ZNF236: variants seen among roughly 807,000 people sequenced by gnomAD.
The protein encoded by ZNF236 is regulated by glucose.
In ZNF236, 50 loss-of-function variants were observed where a neutral mutation model predicts 191.2. The ratio of observed to expected loss-of-function variants is 0.26; its 90% CI spans 0.21 to 0.33. The LOEUF (loss-of-function observed/expected upper bound fraction) is 0.33. Ranked by LOEUF, ZNF236 falls within the 10% of genes least tolerant of loss-of-function variation. The pLI, the probability that ZNF236 is intolerant of heterozygous loss-of-function variation, is 1.00. For synonymous variants in ZNF236, 907 were observed against 928.8 expected (o/e 0.98, Z 0.43); for missense variants, 1,754 against 2,374.5 (o/e 0.74, Z 5.43).
Position 76,956,083 on chromosome 18 carries a change from G to A in ZNF236, c.5013G>A (p.Ala1671=), listed in dbSNP as rs377435648. The change falls in exon 28 of 31, where the codon GCG becomes GCA. Residue 1671 remains alanine, a synonymous_variant. Coordinates refer to ENST00000320610, the MANE Select transcript of ZNF236 (RefSeq NM_001306089.2). ...CLECDRAFSS[A]AVLMHHSKEV... Reference sequence around the variant, plus strand: ...AGTGTGACCGCGCCTTCTCATCGGCGGCGGTGCTCATGCACCACAGCAAGG... The same window carrying A: ...AGTGTGACCGCGCCTTCTCATCGGCAGCGGTGCTCATGCACCACAGCAAGG... 7.5e-6 allele frequency: 12 copies of A among 1,596,206 alleles called. No homozygotes were observed. The highest frequency in any genetic ancestry group is 2.7e-5 in the African/African-American group (2 of 74,706).
At chr18:76,859,283 G>A (rs921582388) in intron 3 of ZNF236, among the ~76,000 whole-genome samples, 10 of 151,788 alleles carry the variant, frequency 6.6e-5, no homozygotes, top group Non-Finnish European at 1.5e-4. Context: ...AGGGGGAGAG[G>A]ACTCAGGTGG....
intron 10 of ZNF236, among the ~76,000 whole-genome samples, chr18:76,897,029 C>A (rs901401883): frequency 6.6e-6 from 1 of 151,304 alleles, no homozygotes; most frequent in Admixed American, 6.6e-5. Context: ...AGGTACCAAA[C>A]AGTACTGCCC....
In ZNF236 at chr18:76,878,108, C is replaced by G; in HGVS notation, c.940C>G (p.Pro314Ala). 6.2e-7 allele frequency: 1 copy of G among 1,613,104 alleles called. No individual in the cohort carries two copies. Residue 314 changes from proline to alanine, a missense_variant, in exon 7 of 31, where the codon CCA becomes GCA. Transcript: ENST00000320610. Reference protein sequence around the residue: ...THISKMHMGGPQNSTSSTETA... With the variant: ...THISKMHMGGAQNSTSSTETA... Reference sequence around the variant, plus strand: ...TATCAGCAAGATGCATATGGGTGGGCCACAGAATTCAACAAGTTCTACAGA... The same window carrying G: ...TATCAGCAAGATGCATATGGGTGGGGCACAGAATTCAACAAGTTCTACAGA...
Position 76,880,083 on chromosome 18 carries a change from A to G in ZNF236, c.985-30A>G, listed in dbSNP as rs756678581. The G allele has an allele frequency of 2.6e-6, 4 of 1,533,546 alleles. No individual in the cohort carries two copies. The East Asian group carries it at 9.5e-5, about 36-fold the overall frequency. The allele number at this position is 1,533,546 out of a possible 1,614,324, so 95.0% of individuals were successfully genotyped here. ...TTTTTAAATTGAAGAGCAAAATTGTATTTTTAATGAAAATGTTTCTGTGTT... is the reference window on the plus strand; with the variant it reads ...TTTTTAAATTGAAGAGCAAAATTGTGTTTTTAATGAAAATGTTTCTGTGTT... On this transcript the variant is annotated intron_variant, in intron 7 of 30. Coordinates refer to ENST00000320610, the MANE Select transcript of ZNF236 (RefSeq NM_001306089.2). This position sits in a 1 kb window ranked among gnomAD's most constrained non-coding sequence, Gnocchi z 5.0.
chr18:76,909,046 G>A (rs1235281154), intron 14 of ZNF236, among the ~76,000 whole-genome samples: 2 of 151,850 alleles, frequency 1.3e-5, no homozygotes, highest in Non-Finnish European at 2.9e-5. Context: ...GGCTGGGTGT[G>A]GTGGCTCACG....
intron 25 of ZNF236, among the ~76,000 whole-genome samples, chr18:76,928,880 T>C (rs1314750075): frequency 6.6e-6 from 1 of 151,920 alleles, no homozygotes; most frequent in African/African-American, 2.4e-5. Flanking sequence ...TGCTTGATAT[T>C]ATTCTAGTAA....
intron 1 of ZNF236, among the ~76,000 whole-genome samples, chr18:76,835,387 A>G (rs1169242307): frequency 1.3e-5 from 2 of 152,124 alleles, no homozygotes; most frequent in Admixed American, 6.5e-5. Context: ...TTTTTCTGTC[A>G]GTTACTCAGA....
In ZNF236 at chr18:76,969,431, T is replaced by A. The variant is rs1214928061; in HGVS notation, c.*1092T>A. ...TGAAATTATTTATATGTTCTATATATAAATACATATGTACATAGATATATG... is the reference window on the plus strand; with the variant it reads ...TGAAATTATTTATATGTTCTATATAAAAATACATATGTACATAGATATATG... On this transcript the variant is annotated 3_prime_UTR_variant, in exon 31 of 31. Coordinates refer to ENST00000320610, the MANE Select transcript of ZNF236 (RefSeq NM_001306089.2). 1 of 152,634 alleles carries A rather than the reference T, an allele frequency of 6.6e-6. No individual in the cohort carries two copies. The highest frequency in any genetic ancestry group is 2.4e-5 in the African/African-American group (1 of 41,452). 9.5% of individuals were successfully genotyped at this position (152,634 alleles called of 1,614,324 possible).
chr18:76,854,011 A>T (rs1203731082), intron 3 of ZNF236, among the ~76,000 whole-genome samples: 2 of 136,116 alleles, frequency 1.5e-5, no homozygotes, highest in Non-Finnish European at 3.3e-5. Context: ...CTCTGTCTTT[A>T]AAAAAAAAAA....
In ZNF236 at chr18:76,843,285, T is replaced by C. The variant is rs868798044; in HGVS notation, c.56-6241T>C. On this transcript the variant is annotated intron_variant, in intron 1 of 30. Coordinates refer to ENST00000320610, the MANE Select transcript of ZNF236 (RefSeq NM_001306089.2). ...GGGAAGAGGTTAAAAAAAAAAGCTA[T>C]TAGGGCCTATCTATTTCCAAATATT... Among the ~76,000 whole-genome samples the C allele has an allele frequency of 4.4e-3, 669 of 152,108 alleles. 6 individuals are homozygous for C. Among genetic ancestry groups the C allele is most frequent in the African/African-American group, 0.015 (641 of 41,494 alleles).
chr18:76,920,109 A>G (rs1049894023), intron 20 of ZNF236, 51 bp downstream of exon 20: 28 of 1,560,144 alleles, frequency 1.8e-5, no homozygotes, highest in African/African-American at 2.7e-5. Flanking sequence ...CTGGAGGTGC[A>G]GGCAGCTGCT....
Position 76,840,665 on chromosome 18 carries a change from A to G in ZNF236, c.56-8861A>G, listed in dbSNP as rs376270759. Among the ~76,000 whole-genome samples, 113 of 122,492 alleles carry G rather than the reference A, an allele frequency of 9.2e-4. 4 individuals are homozygous for G. The South Asian group carries it at 0.029, about 32-fold the overall frequency. 80.4% of individuals were successfully genotyped at this position (122,492 alleles called of 152,430 possible). A position where few individuals can be genotyped will look rare whatever the true frequency, so the allele number is the denominator to read the frequency against. On this transcript the variant is annotated intron_variant, in intron 1 of 30. Coordinates refer to ENST00000320610, the MANE Select transcript of ZNF236 (RefSeq NM_001306089.2). ...TTTTGAGACGGAGTCTTGCTCTGTC[A>G]CTCAGGCTGGAGTGCAGTGACGTGA...
At chr18:76,921,737 C>CTTTTTTTTTTTTTTTTTTTTTTTT in intron 20 of ZNF236, among the ~76,000 whole-genome samples, 1 of 98,050 alleles carries the variant, frequency 1.0e-5, no homozygotes, top group Non-Finnish European at 1.9e-5. Flanking sequence ...GTGGGATGTT[C>CTTTTTTTTTTTTTTTTTTTTTTTT]TTTTTTTTTT....
intron 25 of ZNF236, among the ~76,000 whole-genome samples, chr18:76,929,293 A>T (rs938536692): frequency 6.6e-6 from 1 of 152,150 alleles, no homozygotes; most frequent in African/African-American, 2.4e-5. Context: ...GTTGGACAGC[A>T]AAAATTAACA....
chr18:76,918,537 A>T lies in ZNF236; in HGVS notation c.3275-1239A>T, dbSNP rs190810547. On this transcript the variant is annotated intron_variant, in intron 19 of 30. Transcript: ENST00000320610. ...ACTCCTGGGATCAAGCAATCCTCCC[A>T]CCTCAGGCTCCTGAGTAGCAGGGGC... 5.9e-5 allele frequency among the ~76,000 whole-genome samples: 9 copies of T among 152,310 alleles called. No homozygotes were observed. In the East Asian group the frequency reaches 1.7e-3, roughly 29 times the overall value.
At chr18:76,865,376 A>G (rs1174892143) in intron 3 of ZNF236, among the ~76,000 whole-genome samples, 1 of 152,120 alleles carries the variant, frequency 6.6e-6, no homozygotes, top group South Asian at 2.1e-4. Flanking sequence ...AACCTCTCAT[A>G]TGATCTAACA....
At chr18:76,823,824 G>A (rs1462803979) in intron 1 of ZNF236, among the ~76,000 whole-genome samples, 2 of 152,194 alleles carry the variant, frequency 1.3e-5, no homozygotes, top group African/African-American at 4.8e-5. Flanking sequence ...CGAGGGCAGT[G>A]GGGTAGGGGG....
chr18:76,894,494 T>C (rs750914340), intron 9 of ZNF236, among the ~76,000 whole-genome samples: 8 of 152,236 alleles, frequency 5.3e-5, no homozygotes, highest in African/African-American at 7.2e-5. Flanking sequence ...AATTGAGTAA[T>C]AATATGAGAC....
At chr18:76,868,072 C>G (rs572289439) in intron 3 of ZNF236, among the ~76,000 whole-genome samples, 1 of 151,934 alleles carries the variant, frequency 6.6e-6, no homozygotes, top group Non-Finnish European at 1.5e-5. Flanking sequence ...GATTACTGAG[C>G]TGTCATTCTT....
Sources: allele counts gnomAD v4.1 joint callset (sites outside exome capture counted in the v4.1 genomes callset), GRCh38; gene constraint gnomAD v4.1.1; non-coding constraint Gnocchi (gnomAD v3.1); transcripts MANE v1.5; gene names NCBI Gene and HGNC (gene_info 2026-07-23, HGNC 2026-07-21).